The following PMS2 variants were observed in gnomAD, a reference collection of about 807,000 sequenced individuals.
PMS2 encodes the protein PMS1 homolog 2, mismatch repair system component, also known as mismatch repair endonuclease PMS2.
PMS2 carries 69 observed loss-of-function variants against 90.0 expected under a neutral mutation model. That is an observed-to-expected ratio of 0.77 (90% CI 0.63 to 0.94). The LOEUF is 0.94. PMS2 is among the 40% of genes least tolerant of loss of function. The probability of loss-of-function intolerance (pLI) is 0.00; values close to 1 mark genes in which losing one functional copy is unlikely to be tolerated. For missense variants in PMS2, 966 were observed against 1,040.2 expected, an observed-to-expected ratio of 0.93 and a Z score of 0.98; for synonymous variants, 332 against 375.1, an observed-to-expected ratio of 0.89 and a Z score of 1.33.
chr7:5,982,075 G>A (rs902768229), intron 12 of PMS2, among the ~76,000 whole-genome samples: 6 of 151,644 alleles, frequency 4.0e-5, no homozygotes, highest in African/African-American at 1.2e-4. Context: ...GAGTGCAGTG[G>A]TGCGATCTCG....
Position 5,982,818 on chromosome 7 carries a change from A to G in PMS2, c.2174+6T>C, listed in dbSNP as rs587780050. The G allele has an allele frequency of 8.8e-5, 142 of 1,609,422 alleles. No homozygotes were observed. The highest frequency in any genetic ancestry group is 1.1e-4 in the Non-Finnish European group (135 of 1,178,970). On this transcript the variant is annotated splice_donor_region_variant and intron_variant, in intron 12 of 14. Transcript: ENST00000265849. ...GAGTCTGGGAATGAACACTAAACAC[A>G]CTCACGCTATGAGCCTCTGCCCCTG...
Position 5,992,046 on chromosome 7 carries a change from G to T in PMS2, c.915C>A (p.Leu305=), listed in dbSNP as rs767392742. 2 of 1,569,614 alleles carry T rather than the reference G, an allele frequency of 1.3e-6. No individual in the cohort carries two copies. Among genetic ancestry groups the T allele is most frequent in the Non-Finnish European group, 1.8e-6 (2 of 1,139,774 alleles). ...TATACATGTGGTAGACCTCATTCACGAGTCTGCAGACCTGCACAAAATACA... is the reference window on the plus strand; with the variant it reads ...TATACATGTGGTAGACCTCATTCACTAGTCTGCAGACCTGCACAAAATACA... ...RPCDPAKVCR[L]VNEVYHMYNR... Residue 305 remains leucine, a synonymous_variant, in exon 9 of 15, where the codon CTC becomes CTA. Transcript: ENST00000265849.
At position 6,002,535 on chromosome 7, in the gene PMS2, G is replaced by C. The variant is rs876660161; in HGVS notation, c.455C>G (p.Pro152Arg). 12 of 1,611,650 alleles carry C rather than the reference G, an allele frequency of 7.4e-6. No individual in the cohort carries two copies. The Admixed American group carries it at 1.7e-4, about 22-fold the overall frequency. ...KIIQKTPYPR[P>R]RGTTVSVQQL... The stretch of plus-strand genomic sequence containing the variant: ...CTGCACGCTGACTGTGGTCCCTCTG[G>C]GGCGGGGGTAGGGGGTTTTCTGGAT... Residue 152 changes from proline (P) to arginine (R), a missense_variant, in exon 5 of 15, where the codon CCC (proline) becomes CGC (arginine). Coordinates refer to ENST00000265849, the MANE Select transcript of PMS2 (RefSeq NM_000535.7).
At chr7:5,985,105 C>CT (rs917341660) in intron 11 of PMS2, among the ~76,000 whole-genome samples, 8 of 146,866 alleles carry the variant, frequency 5.4e-5, no homozygotes, top group Non-Finnish European at 9.0e-5. Context: ...TTAACAGGGA[C>CT]TTTTTTTTTT....
intron 2 of PMS2, among the ~76,000 whole-genome samples, chr7:6,004,818 T>C (rs1785530758): frequency 6.6e-6 from 1 of 152,162 alleles, no homozygotes; most frequent in Non-Finnish European, 1.5e-5. Context: ...ATCCCCTAAT[T>C]TCCTCATTTG....
At chr7:6,007,522 CCAAA>C (rs889416477) in intron 1 of PMS2, among the ~76,000 whole-genome samples, 7 of 152,146 alleles carry the variant, frequency 4.6e-5, no homozygotes, top group East Asian at 3.9e-4. Flanking sequence ...CCTCCTCTGC[CCAAA>C]CAATGTCTGC....
At position 5,987,253 on chromosome 7, in the gene PMS2, C is replaced by T. The variant is rs1783067092; in HGVS notation, c.1512G>A (p.Glu504=). 2 of 1,613,990 alleles carry T rather than the reference C, an allele frequency of 1.2e-6. No homozygotes were observed. The highest frequency in any genetic ancestry group is 1.7e-6 in the Non-Finnish European group (2 of 1,180,018). ...SGHGSTSVDS[E]GFSIPDTGSH... ...TGCCCGTGTCTGGGATGCTGAACCC[C>T]TCAGAATCCACGGAAGTGCTGCCGT... The change falls in exon 11 of 15, where the codon GAG becomes GAA. Residue 504 remains glutamate, a synonymous_variant. Transcript: ENST00000265849.
intron 12 of PMS2, among the ~76,000 whole-genome samples, chr7:5,981,106 G>A (rs1439472892): frequency 6.6e-6 from 1 of 151,846 alleles, no homozygotes; most frequent in Non-Finnish European, 1.5e-5. Context: ...CAAGACTTTG[G>A]TTTTACATGA....
intron 5 of PMS2, among the ~76,000 whole-genome samples, chr7:6,001,412 C>T (rs959091816): frequency 6.7e-6 from 1 of 149,876 alleles, no homozygotes; most frequent in African/African-American, 2.5e-5. Context: ...GGCTCTGTGC[C>T]CAGGCTGGAG....
intron 6 of PMS2, among the ~76,000 whole-genome samples, chr7:5,998,900 G>A (rs1318530558): frequency 6.6e-6 from 1 of 151,044 alleles, no homozygotes; most frequent in Non-Finnish European, 1.5e-5. Context: ...TGAGGCAGGA[G>A]AATTGCTTGA....
At chr7:5,995,120 C>T (rs1784234484) in intron 8 of PMS2, among the ~76,000 whole-genome samples, 1 of 152,146 alleles carries the variant, frequency 6.6e-6, no homozygotes, top group Non-Finnish European at 1.5e-5. Context: ...TTACTGCAAG[C>T]TCCATCTCCC....
At chr7:5,976,036 C>T (rs1181472163) in intron 14 of PMS2, among the ~76,000 whole-genome samples, 38 of 144,736 alleles carry the variant, frequency 2.6e-4, no homozygotes, top group African/African-American at 8.4e-4. Context: ...GTCAGGAGAT[C>T]AACACCAGCC....
chr7:5,995,203 AT>A (rs945842570), intron 8 of PMS2, among the ~76,000 whole-genome samples: 17 of 151,846 alleles, frequency 1.1e-4, no homozygotes, highest in Non-Finnish European at 2.2e-4. Context: ...ATGCCTGGTT[AT>A]TTTTTGTATT....
At chr7:5,990,971 C>G (rs1257509005) in intron 9 of PMS2, among the ~76,000 whole-genome samples, 1 of 152,126 alleles carries the variant, frequency 6.6e-6, no homozygotes, top group East Asian at 1.9e-4. Context: ...GCTGATATTA[C>G]ACCACTGCAC....
chr7:5,998,229 C>A (rs919041362), intron 6 of PMS2, among the ~76,000 whole-genome samples: 1 of 151,364 alleles, frequency 6.6e-6, no homozygotes, highest in Non-Finnish European at 1.5e-5. Flanking sequence ...TTACAGGTGC[C>A]TGCCACCACG....
At position 5,999,243 on chromosome 7, in the gene PMS2, T is replaced by G. The variant is rs1784821785; in HGVS notation, c.570A>C (p.Ala190=). Residue 190 remains alanine (A), a synonymous_variant, in exon 6 of 15, where the codon GCA becomes GCC. Coordinates refer to ENST00000265849, the MANE Select transcript of PMS2 (RefSeq NM_000535.7). ...EYAKMVQVLH[A]YCIISAGIRV... The stretch of plus-strand genomic sequence containing the variant: ...GGATGCCTGCTGAAATGATACAGTA[T>G]GCATGTAAGACCTGGACCATTTTGG... 6.2e-7 allele frequency: 1 copy of G among 1,613,904 alleles called. No individual in the cohort carries two copies. The highest frequency in any genetic ancestry group is 1.1e-5 in the South Asian group (1 of 91,080).
rs116788608 is a variant in PMS2, at chr7:5,995,580, T to C, written c.857A>G (p.Asp286Gly). 1.2e-4 allele frequency: 188 copies of C among 1,614,058 alleles called. No homozygotes were observed. Among genetic ancestry groups the C allele is most frequent in the Non-Finnish European group, 1.4e-4 (167 of 1,179,916 alleles). Residue 286 changes from aspartate to glycine, a missense_variant, in exon 8 of 15, where the codon GAC (aspartate) becomes GGC (glycine). By Grantham distance (94) the Asp-to-Gly change is moderately conservative (BLOSUM62 -1). Around this residue, in one of 2 missense-constraint regions of PMS2, gnomAD observed 871 missense variants for 802.4 expected, o/e 1.09. Transcript: ENST00000265849. ...CCGGTTGATAAAGAAAAACTGTCTG[T>C]CTGTTGAACTCCTTCCAACTCCATG... Reference protein sequence around the residue: ...CTHGVGRSSTDRQFFFINRRP... With the variant: ...CTHGVGRSSTGRQFFFINRRP...
chr7:5,989,646 G>T (rs910602724), intron 10 of PMS2, among the ~76,000 whole-genome samples, 154 bp downstream of exon 10: 1 of 152,148 alleles, frequency 6.6e-6, no homozygotes, highest in African/African-American at 2.4e-5. Context: ...CAGCCTGGGT[G>T]ACAGAGCAAG....
intron 11 of PMS2, among the ~76,000 whole-genome samples, chr7:5,984,865 C>T (rs955266503): frequency 4.0e-5 from 6 of 151,814 alleles, no homozygotes; most frequent in African/African-American, 1.5e-4. Flanking sequence ...CCACCATGCT[C>T]GTCACCATCA....
Sources: gnomAD v4.1 joint callset for allele counts (sites outside exome capture counted in the v4.1 genomes callset) on GRCh38, gnomAD v4.1.1 for gene constraint, gnomAD v4.1.1 regional missense constraint, MANE v1.5 for transcripts, NCBI Gene and HGNC (gene_info 2026-07-23, HGNC 2026-07-21) for gene names.